IQGAP1: variants seen among roughly 807,000 people sequenced by gnomAD.
IQGAP1 encodes IQ motif containing GTPase activating protein 1.
A neutral mutation model predicts 215.6 loss-of-function variants in IQGAP1; 66 were observed. The observed-to-expected ratio is 0.31, with a 90% confidence interval of 0.25 to 0.38. The LOEUF (loss-of-function observed/expected upper bound fraction) is 0.38, where lower values mean the gene tolerates loss of function less well. Ranked by LOEUF, IQGAP1 falls within the 10% of genes least tolerant of loss-of-function variation. The pLI, the probability that IQGAP1 is intolerant of heterozygous loss-of-function variation, is 1.00. For missense variants in IQGAP1, 1,712 were observed against 1,997.1 expected (o/e 0.86, Z 2.72); for synonymous variants, 772 against 728.7 (o/e 1.06, Z -0.96).
chr15:90,438,953 G>C (rs1965409873), intron 5 of IQGAP1, among the ~76,000 whole-genome samples: 1 of 152,052 alleles, frequency 6.6e-6, no homozygotes, highest in Non-Finnish European at 1.5e-5. Flanking sequence ...TCAAGCTCCT[G>C]ATGTCAGGTG....
chr15:90,499,960 A>ATGTTT (rs58482365), intron 37 of IQGAP1, 35 bp from the exon 38 acceptor site: 143,627 of 1,165,892 alleles, frequency 0.12, 11,663 homozygotes, highest in African/African-American at 0.38. Flanking sequence ...AACTGTCAAA[A>ATGTTT]TGTTTTGTTT....
chr15:90,409,394 C>T (rs937950507), intron 2 of IQGAP1, among the ~76,000 whole-genome samples: 1 of 152,022 alleles, frequency 6.6e-6, no homozygotes, highest in African/African-American at 2.4e-5. Context: ...CCCGCCACAA[C>T]AGCCAGCTAA....
intron 26 of IQGAP1, among the ~76,000 whole-genome samples, chr15:90,481,447 G>A (rs1966058257): frequency 1.3e-5 from 2 of 151,790 alleles, no homozygotes; most frequent in Admixed American, 6.6e-5. Context: ...TATCATATAC[G>A]GGGTCTGTCA....
chr15:90,454,712 C>G (rs1436654574), intron 14 of IQGAP1, among the ~76,000 whole-genome samples, 160 bp downstream of exon 14: 2 of 152,122 alleles, frequency 1.3e-5, no homozygotes, highest in African/African-American at 2.4e-5. Flanking sequence ...TTTGAGAACA[C>G]CAGGCAATTG....
At chr15:90,457,182 A>T (rs954887835) in intron 15 of IQGAP1, among the ~76,000 whole-genome samples, 2 of 151,618 alleles carry the variant, frequency 1.3e-5, no homozygotes, top group Non-Finnish European at 2.9e-5. Context: ...TCTGATTTCT[A>T]TTAATAACAC....
At position 90,418,511 on chromosome 15, in the gene IQGAP1, C is replaced by T. The variant is rs12439603; in HGVS notation, c.156-7599C>T. Among the ~76,000 whole-genome samples the T allele has an allele frequency of 8.6e-3, 1,311 of 152,080 alleles. 37 individuals are homozygous for T. The East Asian group carries it at 0.11, about 12-fold the overall frequency. On this transcript the variant is annotated intron_variant, in intron 2 of 37. Coordinates refer to ENST00000268182, the MANE Select transcript of IQGAP1 (RefSeq NM_003870.4). ...GCTGAGGTGGGAGCATCACTGATCCCAGGAGGTTGAGGCCACAGTGAGCCG... is the reference window on the plus strand; with the variant it reads ...GCTGAGGTGGGAGCATCACTGATCCTAGGAGGTTGAGGCCACAGTGAGCCG...
chr15:90,477,054 G>C lies in IQGAP1; in HGVS notation c.2941-13G>C. ...ATTACCTACAAATGACTTATCCCTT[G>C]GTTTTATTTCAGACCAATCCCACCT... is the stretch of plus-strand genomic sequence containing the variant. On this transcript the variant is annotated splice_polypyrimidine_tract_variant and intron_variant, in intron 24 of 37. Transcript: ENST00000268182. The C allele has an allele frequency of 6.2e-7, 1 of 1,612,248 alleles. No individual in the cohort carries two copies. The highest frequency in any genetic ancestry group is 8.5e-7 in the Non-Finnish European group (1 of 1,179,006).
intron 2 of IQGAP1, among the ~76,000 whole-genome samples, chr15:90,398,794 G>C (rs540780122): frequency 6.6e-6 from 1 of 152,214 alleles, no homozygotes; most frequent in Non-Finnish European, 1.5e-5. Flanking sequence ...CTTGATGCCA[G>C]GAGTTCGAGA....
intron 9 of IQGAP1, among the ~76,000 whole-genome samples, chr15:90,447,883 G>A (rs1250347705): frequency 6.6e-6 from 1 of 152,078 alleles, no homozygotes; most frequent in African/African-American, 2.4e-5. Context: ...GTGACCTCAG[G>A]TTCTATGATT....
intron 7 of IQGAP1, among the ~76,000 whole-genome samples, chr15:90,441,098 ACT>A (rs906018551): frequency 1.4e-5 from 2 of 144,304 alleles, no homozygotes; most frequent in African/African-American, 2.7e-5. Context: ...CAAGAGTGAA[ACT>A]CTGTCTCAAA....
chr15:90,438,217 C>T (rs1402408892), intron 5 of IQGAP1, among the ~76,000 whole-genome samples: 1 of 152,160 alleles, frequency 6.6e-6, no homozygotes, highest in Non-Finnish European at 1.5e-5. Context: ...TTACTTTAAA[C>T]TGTCAATATC....
At chr15:90,483,178 T>G in intron 28 of IQGAP1, 183 bp from the exon 29 acceptor site, 1 of 569,518 alleles carries the variant, frequency 1.8e-6, no homozygotes, top group Non-Finnish European at 3.1e-6. Context: ...AAGGGATATT[T>G]CATTTAGTTC....
rs1041426159 is a variant in IQGAP1, at chr15:90,435,621, G to A, written c.467+1826G>A. On this transcript the variant is annotated intron_variant, in intron 5 of 37. Transcript: ENST00000268182. ...CCTTACCTGCAATGGATATCTGAAC[G>A]TGGAAGCAGAATTCCTCTCTGCTAG... Among the ~76,000 whole-genome samples the A allele has an allele frequency of 5.3e-5, 8 of 152,316 alleles. No homozygotes were observed. The South Asian group carries it at 1.0e-3, about 20-fold the overall frequency.
At chr15:90,427,610 C>T (rs1270152390) in intron 3 of IQGAP1, among the ~76,000 whole-genome samples, 1 of 152,022 alleles carries the variant, frequency 6.6e-6, no homozygotes, top group Non-Finnish European at 1.5e-5. Flanking sequence ...CTTGGTGGCG[C>T]ACACCTGTAA....
In IQGAP1 at chr15:90,477,807, A is replaced by G; in HGVS notation, c.3247A>G (p.Lys1083Glu). 1.2e-6 allele frequency: 2 copies of G among 1,614,056 alleles called. No homozygotes were observed. Among genetic ancestry groups the G allele is most frequent in the Non-Finnish European group, 1.7e-6 (2 of 1,179,974 alleles). The change falls in exon 26 of 38, where the codon AAA becomes GAA. Residue 1083 changes from lysine to glutamate, a missense_variant. Coordinates refer to ENST00000268182, the MANE Select transcript of IQGAP1 (RefSeq NM_003870.4). Reference sequence around the variant, plus strand: ...AGTCGTGAAGGAAATTATGGATGACAAATCTCTCAACATCAAAACTGACCC... The same window carrying G: ...AGTCGTGAAGGAAATTATGGATGACGAATCTCTCAACATCAAAACTGACCC... ...APVVKEIMDD[K>E]SLNIKTDPVD...
intron 2 of IQGAP1, among the ~76,000 whole-genome samples, chr15:90,409,471 C>A (rs1251660203): frequency 1.3e-5 from 2 of 152,080 alleles, no homozygotes; most frequent in African/African-American, 2.4e-5. Context: ...CTCCTGACCT[C>A]AAATGATCCA....
At chr15:90,488,650 T>A (rs1280541231) in intron 33 of IQGAP1, among the ~76,000 whole-genome samples, 1 of 152,028 alleles carries the variant, frequency 6.6e-6, no homozygotes, top group Non-Finnish European at 1.5e-5. Flanking sequence ...ATAAGAGAAG[T>A]TTCAGGAAAG....
chr15:90,466,326 C>A lies in IQGAP1; in HGVS notation c.1925C>A (p.Thr642Lys). ...GTAGAAAGTGGTGATGTTGGCAAAA[C>A]ACTGAGTGCCCTTCGCTCCCCTGAT... is the stretch of plus-strand genomic sequence containing the variant. The part of the protein sequence containing the change: ...EAVESGDVGK[T>K]LSALRSPDVG... Residue 642 changes from threonine to lysine, a missense_variant, in exon 17 of 38, where the codon ACA (threonine) becomes AAA (lysine). By Grantham distance (78) the Thr-to-Lys change is moderately conservative. Coordinates refer to ENST00000268182, the MANE Select transcript of IQGAP1 (RefSeq NM_003870.4). 6.2e-7 allele frequency: 1 copy of A among 1,614,092 alleles called. No homozygotes were observed. The highest frequency in any genetic ancestry group is 1.1e-5 in the South Asian group (1 of 91,076).
intron 19 of IQGAP1, chr15:90,473,221 C>T: frequency 1.8e-6 from 1 of 547,124 alleles, no homozygotes; most frequent in African/African-American, 1.9e-5. Flanking sequence ...TTCTTGGGTA[C>T]CTCTTCCTCT....
Sources: gnomAD v4.1 joint callset for allele counts (sites outside exome capture counted in the v4.1 genomes callset) on GRCh38, gnomAD v4.1.1 for gene constraint, MANE v1.5 for transcripts, NCBI Gene and HGNC (gene_info 2026-07-23, HGNC 2026-07-21) for gene names.